The following RC3H1 variants were observed in gnomAD, a reference collection of about 807,000 sequenced individuals.
RC3H1 encodes the protein ring finger and CCCH-type domains 1.
A neutral mutation model predicts 138.2 loss-of-function variants in RC3H1; 50 were observed. That is an observed-to-expected ratio of 0.36 (90% CI 0.29 to 0.46). The LOEUF is 0.46. RC3H1 is among the 20% of genes least tolerant of loss of function. The probability of loss-of-function intolerance (pLI) is 1.00; values close to 1 mark genes in which losing one functional copy is unlikely to be tolerated. For missense variants in RC3H1, 1,031 were observed against 1,388.1 expected, an observed-to-expected ratio of 0.74 and a Z score of 4.09; for synonymous variants, 462 against 489.1, an observed-to-expected ratio of 0.94 and a Z score of 0.73.
intron 12 of RC3H1, 149 bp downstream of exon 12, chr1:173,961,575 AT>A: frequency 2.5e-6 from 2 of 800,738 alleles, no homozygotes; most frequent in African/African-American, 1.8e-5. Flanking sequence ...AAAAAAAAAA[AT>A]ACCCAAATTA....
At position 173,975,107 on chromosome 1, in the gene RC3H1, T is replaced by G. The variant is rs1054042885; in HGVS notation, c.1103-2480A>C. ...TAGATGCTGAGAAAGCAGTTTTGTT[T>G]TGTTTTTTTGATGGAGTCTCGCTCT... On this transcript the variant is annotated intron_variant, in intron 7 of 19. Coordinates refer to ENST00000367696, the MANE Select transcript of RC3H1 (RefSeq NM_172071.4). 1.1e-4 allele frequency among the ~76,000 whole-genome samples: 16 copies of G among 152,188 alleles called. 1 individual carries two copies. The highest frequency in any genetic ancestry group is 7.9e-4 in the Admixed American group (12 of 15,276).
At position 173,947,527 on chromosome 1, in the gene RC3H1, G is replaced by C; in HGVS notation, c.2579C>G (p.Ala860Gly). ...DQRLDLQRRAAETSDDDLIPF... is the reference protein window; with the variant it reads ...DQRLDLQRRAGETSDDDLIPF... ...GATGAGGTCATCATCACTGGTTTCTGCTGCTCTTCTCTGAAGATCTAATCG... is the reference window on the plus strand; with the variant it reads ...GATGAGGTCATCATCACTGGTTTCTCCTGCTCTTCTCTGAAGATCTAATCG... Residue 860 changes from alanine (A) to glycine (G), a missense_variant, in exon 15 of 20, where the codon GCA becomes GGA. Transcript: ENST00000367696. 1 of 1,613,998 alleles carries C rather than the reference G, an allele frequency of 6.2e-7. No individual in the cohort carries two copies. Among genetic ancestry groups the C allele is most frequent in the Non-Finnish European group, 8.5e-7 (1 of 1,179,984 alleles).
intron 13 of RC3H1, among the ~76,000 whole-genome samples, chr1:173,957,321 T>C (rs1219393975): frequency 6.6e-6 from 1 of 152,174 alleles, no homozygotes; most frequent in Non-Finnish European, 1.5e-5. Flanking sequence ...GTTTGATTTA[T>C]AAATGAAGAA....
intron 13 of RC3H1, among the ~76,000 whole-genome samples, chr1:173,954,354 A>G (rs1218372497): frequency 1.3e-5 from 2 of 152,304 alleles, no homozygotes; most frequent in South Asian, 2.1e-4. Flanking sequence ...TTCTCACTCA[A>G]TGTGGGAGCT....
intron 13 of RC3H1, among the ~76,000 whole-genome samples, chr1:173,953,200 C>T (rs532080563): frequency 2.0e-5 from 3 of 152,216 alleles, no homozygotes; most frequent in Admixed American, 2.0e-4. Flanking sequence ...AAATTTTTAT[C>T]CTTTTTTATT....
chr1:173,986,398 C>G (rs1661033669), intron 2 of RC3H1, among the ~76,000 whole-genome samples: 1 of 152,206 alleles, frequency 6.6e-6, no homozygotes, highest in Admixed American at 6.5e-5. Context: ...GTCACTCAGG[C>G]TGGAGTGCCG....
rs1473391502 is a variant in RC3H1 at position 173,964,031 on chromosome 1, A to C, written c.1773T>G (p.Val591=). ...CTGCTCCTCGAGGATCCTGATAATAAACATCCGTCTGTTGTGCTGGATATA... is the reference window on the plus strand; with the variant it reads ...CTGCTCCTCGAGGATCCTGATAATACACATCCGTCTGTTGTGCTGGATATA... ...SQLYPAQQTD[V]YYQDPRGAAP... is the part of the protein sequence containing the mutation. Residue 591 remains valine, a synonymous_variant, in exon 11 of 20, where the codon GTT becomes GTG. Coordinates refer to ENST00000367696, the MANE Select transcript of RC3H1 (RefSeq NM_172071.4). 6.2e-7 allele frequency: 1 copy of C among 1,614,134 alleles called. No individual in the cohort carries two copies.
At chr1:174,007,876 T>G (rs6665880) in intron 1 of RC3H1, among the ~76,000 whole-genome samples, 43,936 of 152,120 alleles carry the variant, frequency 0.29, 11,351 homozygotes, top group African/African-American at 0.7. Flanking sequence ...AACTTATTTT[T>G]GGAGCAATGA....
At chr1:173,970,412 TAAGATA>T in intron 9 of RC3H1, 87 bp downstream of exon 9, 1 of 817,398 alleles carries the variant, frequency 1.2e-6, no homozygotes. Context: ...CCTATTCATT[TAAGATA>T]AAGCAGCTAC....
chr1:173,985,439 G>C (rs1660987331), intron 2 of RC3H1, among the ~76,000 whole-genome samples: 1 of 152,170 alleles, frequency 6.6e-6, no homozygotes, highest in Non-Finnish European at 1.5e-5. Flanking sequence ...ATTTTATGTA[G>C]AAAGATAATT....
chr1:173,938,781 C>G lies in RC3H1; in HGVS notation c.3342G>C (p.Glu1114Asp). ...TSSLNLSEDP[E>D]GGGDNNDSQR... ...GGGAGTCATTATTATCCCCTCCTCC[C>G]TCAGGGTCCTCTGACAGGTTCAGAG... is the stretch of plus-strand genomic sequence containing the variant. The change falls in exon 20 of 20, where the codon GAG becomes GAC. Residue 1114 changes from glutamate (E) to aspartate (D), a missense_variant. Physicochemically the swap from Glu to Asp is conservative, Grantham distance 45. Around this residue, in one of 7 missense-constraint regions of RC3H1, gnomAD observed 716 missense variants for 837.9 expected, o/e 0.85. Coordinates refer to ENST00000367696, the MANE Select transcript of RC3H1 (RefSeq NM_172071.4). The G allele has an allele frequency of 6.2e-7, 1 of 1,613,642 alleles. No homozygotes were observed. Among genetic ancestry groups the G allele is most frequent in the Non-Finnish European group, 8.5e-7 (1 of 1,179,656 alleles).
intron 3 of RC3H1, 31 bp from the exon 4 acceptor site, chr1:173,983,688 T>G: frequency 6.2e-7 from 1 of 1,607,250 alleles, no homozygotes; most frequent in Middle Eastern, 1.7e-4. Context: ...TATTCCTAGG[T>G]TCACAATGCA....
At position 173,964,199 on chromosome 1, in the gene RC3H1, ATAT is replaced by A. The variant is rs1660000657; in HGVS notation, c.1617-15_1617-13del. 3.8e-6 allele frequency: 6 copies of A among 1,584,466 alleles called. No individual in the cohort carries two copies. Among genetic ancestry groups the A allele is most frequent in the Non-Finnish European group, 5.2e-6 (6 of 1,153,384 alleles). On this transcript the variant is annotated splice_polypyrimidine_tract_variant and intron_variant, in intron 10 of 19. Transcript: ENST00000367696. ...GAACAGATTCTAGCCTAAGGGAATA[ATAT>A]TATGGAAGTTGTTTAAAAAATACTT...
intron 1 of RC3H1, among the ~76,000 whole-genome samples, chr1:174,010,229 T>C (rs924338958): frequency 2.0e-5 from 3 of 152,142 alleles, no homozygotes; most frequent in Non-Finnish European, 4.4e-5. Flanking sequence ...AAATTACCTC[T>C]TGTATCTATA....
chr1:174,003,385 T>TCACACACACACACACACACACACA (rs3220994), intron 1 of RC3H1, among the ~76,000 whole-genome samples: 4 of 143,326 alleles, frequency 2.8e-5, no homozygotes, highest in South Asian at 4.6e-4. Context: ...AAGACTCCTA[T>TCACACACACACACACACACACACA]CACACACACA....
intron 1 of RC3H1, among the ~76,000 whole-genome samples, chr1:174,020,862 A>T (rs1661944170): frequency 6.6e-6 from 1 of 152,066 alleles, no homozygotes; most frequent in African/African-American, 2.4e-5. Context: ...TACAAAAATC[A>T]GCCGGGCATG....
chr1:173,998,836 A>G (rs1661509720), intron 1 of RC3H1, among the ~76,000 whole-genome samples: 1 of 152,190 alleles, frequency 6.6e-6, no homozygotes, highest in Non-Finnish European at 1.5e-5. Flanking sequence ...TCACGCCTGC[A>G]ATCTCAGCAC....
chr1:173,956,786 TA>T (rs1002519030), intron 13 of RC3H1, among the ~76,000 whole-genome samples: 22 of 151,870 alleles, frequency 1.4e-4, no homozygotes, highest in Non-Finnish European at 2.1e-4. Context: ...GTGAAATATA[TA>T]TAAGAAGTTT....
At chr1:173,992,374 T>G (rs1342325111) in intron 2 of RC3H1, among the ~76,000 whole-genome samples, 2 of 152,098 alleles carry the variant, frequency 1.3e-5, no homozygotes, top group Non-Finnish European at 2.9e-5. Context: ...CTCAAACACC[T>G]GACCTCAAAT....
Sources: allele counts gnomAD v4.1 joint callset (sites outside exome capture counted in the v4.1 genomes callset), GRCh38; gene constraint gnomAD v4.1.1; regional missense constraint gnomAD v4.1.1; transcripts MANE v1.5; gene names NCBI Gene and HGNC (gene_info 2026-07-23, HGNC 2026-07-21).